SORCS3: variants seen among roughly 807,000 people sequenced by gnomAD.
SORCS3 encodes VPS10 domain-containing receptor SorCS3.
In SORCS3, 57 loss-of-function variants were observed where a neutral mutation model predicts 146.3. The ratio of observed to expected loss-of-function variants is 0.39; its 90% CI spans 0.31 to 0.49. The LOEUF (loss-of-function observed/expected upper bound fraction) is 0.49. Ranked by LOEUF, SORCS3 falls within the 20% of genes least tolerant of loss-of-function variation. SORCS3 has a pLI of 0.92. For missense variants in SORCS3, 1,341 were observed against 1,575.5 expected (o/e 0.85, Z 2.52); for synonymous variants, 653 against 618.5 (o/e 1.06, Z -0.83).
chr10:104,699,324 A>T lies in SORCS3; in HGVS notation c.627+57370A>T, dbSNP rs564462651. ...GGGGGAGGTTCTGTGGTATTAGAAA[A>T]CTTGTTTCCCTGGAGTCTCCTTAAG... is the stretch of plus-strand genomic sequence containing the variant. On this transcript the variant is annotated intron_variant, in intron 1 of 26. Coordinates refer to ENST00000369701, the MANE Select transcript of SORCS3 (RefSeq NM_014978.3). Among the ~76,000 whole-genome samples the T allele has an allele frequency of 1.7e-4, 26 of 152,196 alleles. No homozygotes were observed. The South Asian group carries it at 5.2e-3, about 30-fold the overall frequency.
chr10:104,899,148 A>G (rs1209959035), intron 2 of SORCS3, among the ~76,000 whole-genome samples: 1 of 152,188 alleles, frequency 6.6e-6, no homozygotes, highest in Non-Finnish European at 1.5e-5. Context: ...CTTCCTATAA[A>G]ATGTAAGCAT....
intron 2 of SORCS3, among the ~76,000 whole-genome samples, chr10:104,871,841 CT>C (rs1298119245): frequency 6.6e-6 from 1 of 152,122 alleles, no homozygotes; most frequent in African/African-American, 2.4e-5. Context: ...TGGGCAGATC[CT>C]GGATTGTGAG....
chr10:105,035,893 A>G (rs1156985143), intron 4 of SORCS3, among the ~76,000 whole-genome samples: 3 of 152,296 alleles, frequency 2.0e-5, no homozygotes, highest in East Asian at 3.9e-4. Context: ...GTGTGCATCT[A>G]CCTACGTTGT....
intron 16 of SORCS3, among the ~76,000 whole-genome samples, chr10:105,203,698 C>A (rs899800383): frequency 2.0e-5 from 3 of 152,124 alleles, no homozygotes; most frequent in African/African-American, 7.2e-5. Context: ...GTGACTTCAT[C>A]TCTATAGCTG....
intron 6 of SORCS3, among the ~76,000 whole-genome samples, chr10:105,096,603 G>A (rs1288201321): frequency 6.6e-6 from 1 of 152,196 alleles, no homozygotes; most frequent in African/African-American, 2.4e-5. Flanking sequence ...GAAGGGTTGT[G>A]CAACTGCTGA....
At chr10:104,710,930 G>A (rs1434676760) in intron 1 of SORCS3, among the ~76,000 whole-genome samples, 1 of 152,166 alleles carries the variant, frequency 6.6e-6, no homozygotes, top group Non-Finnish European at 1.5e-5. Context: ...GCATTTGTGA[G>A]TAGATGGAAC....
intron 5 of SORCS3, among the ~76,000 whole-genome samples, chr10:105,083,114 A>C: frequency 6.6e-6 from 1 of 152,318 alleles, no homozygotes; most frequent in Non-Finnish European, 1.5e-5. Flanking sequence ...GTCCTATAAA[A>C]TTTTGTTTTA....
At chr10:104,710,213 G>A (rs1270643102) in intron 1 of SORCS3, among the ~76,000 whole-genome samples, 1 of 152,190 alleles carries the variant, frequency 6.6e-6, no homozygotes, top group Non-Finnish European at 1.5e-5. Context: ...ACCTGAGTCT[G>A]CATTTTCCTT....
Position 105,087,973 on chromosome 10 carries a change from CTG to C in SORCS3, c.1029-1801_1029-1800del, listed in dbSNP as rs369538221. 1.3e-4 allele frequency among the ~76,000 whole-genome samples: 20 copies of C among 152,236 alleles called. No homozygotes were observed. The South Asian group carries it at 4.2e-3, about 32-fold the overall frequency. On this transcript the variant is annotated intron_variant, in intron 5 of 26. Coordinates refer to ENST00000369701, the MANE Select transcript of SORCS3 (RefSeq NM_014978.3). ...CCAGGGCTGTCATTAGCAGTAAAGT[CTG>C]AGAACCACTGGGATAAGGATGCTTT... is the stretch of plus-strand genomic sequence containing the variant.
chr10:104,672,964 T>C (rs571558441), intron 1 of SORCS3, among the ~76,000 whole-genome samples: 1 of 152,328 alleles, frequency 6.6e-6, no homozygotes, highest in East Asian at 1.9e-4. Context: ...AACTGTTGCA[T>C]TTTCCTGCTG....
At chr10:105,241,697 G>C (rs949846049) in intron 20 of SORCS3, among the ~76,000 whole-genome samples, 6 of 152,138 alleles carry the variant, frequency 3.9e-5, no homozygotes, top group African/African-American at 7.2e-5. Flanking sequence ...GGACAAGAAG[G>C]GCAGGTCATC....
intron 25 of SORCS3, among the ~76,000 whole-genome samples, chr10:105,258,345 C>G (rs1213361269): frequency 6.6e-6 from 1 of 152,186 alleles, no homozygotes; most frequent in Non-Finnish European, 1.5e-5. Context: ...AATATAGAAA[C>G]AGCCTGGTTA....
intron 1 of SORCS3, among the ~76,000 whole-genome samples, chr10:104,658,136 A>G (rs1414417633): frequency 6.6e-6 from 1 of 152,176 alleles, no homozygotes; most frequent in Non-Finnish European, 1.5e-5. Context: ...TTTTAAAGAA[A>G]TGGGGTAGGG....
intron 7 of SORCS3, among the ~76,000 whole-genome samples, chr10:105,114,697 C>G (rs990793758): frequency 6.6e-6 from 1 of 152,154 alleles, no homozygotes; most frequent in Non-Finnish European, 1.5e-5. Flanking sequence ...ACTCCCTGAA[C>G]CTTTGTAAAG....
chr10:105,146,174 C>T (rs189457517), intron 8 of SORCS3, among the ~76,000 whole-genome samples: 152 of 152,182 alleles, frequency 1.0e-3, no homozygotes, highest in South Asian at 4.6e-3. Flanking sequence ...TAACTCCTTC[C>T]ATTTTTTGGC....
intron 1 of SORCS3, among the ~76,000 whole-genome samples, chr10:104,685,540 G>C (rs1212397556): frequency 6.6e-6 from 1 of 152,168 alleles, no homozygotes; most frequent in Non-Finnish European, 1.5e-5. Context: ...CATCCCTCCT[G>C]TCTGTTTGAA....
intron 1 of SORCS3, among the ~76,000 whole-genome samples, chr10:104,753,344 G>T (rs150843706): frequency 2.1e-4 from 32 of 152,278 alleles, no homozygotes; most frequent in African/African-American, 7.7e-4. Flanking sequence ...TTGAATGTTC[G>T]TGTCAAGAAA....
chr10:105,251,511 C>T (rs2056898261), intron 22 of SORCS3, among the ~76,000 whole-genome samples: 1 of 152,000 alleles, frequency 6.6e-6, no homozygotes, highest in African/African-American at 2.4e-5. Flanking sequence ...CTCTGAAATG[C>T]AGTGGACATG....
At chr10:105,215,321 G>T (rs538438835) in intron 18 of SORCS3, among the ~76,000 whole-genome samples, 1 of 152,142 alleles carries the variant, frequency 6.6e-6, no homozygotes, top group South Asian at 2.1e-4. Context: ...GAGCAGGAAG[G>T]CTTGCTTGAT....
Sources: allele counts gnomAD v4.1 joint callset (sites outside exome capture counted in the v4.1 genomes callset), GRCh38; gene constraint gnomAD v4.1.1; transcripts MANE v1.5; gene names NCBI Gene and HGNC (gene_info 2026-07-23, HGNC 2026-07-21).